Variants in DAB2IP observed in about 807,000 individuals in gnomAD.
DAB2IP encodes DAB2 interacting protein, also known as disabled homolog 2-interacting protein.
A neutral mutation model predicts 107.2 loss-of-function variants in DAB2IP; 28 were observed. That is an observed-to-expected ratio of 0.26 (90% CI 0.19 to 0.36). The LOEUF is 0.36. Among genes scored for constraint, DAB2IP ranks in the 10% least tolerant of loss-of-function variants. The probability of loss-of-function intolerance (pLI) is 1.00; values close to 1 mark genes in which losing one functional copy is unlikely to be tolerated. For synonymous variants in DAB2IP, 755 were observed against 706.4 expected (o/e 1.07, Z -1.09); for missense variants, 1,400 against 1,644.7 (o/e 0.85, Z 2.57).
intron 1 of DAB2IP, among the ~76,000 whole-genome samples, chr9:121,640,701 T>G (rs1832254981): frequency 6.6e-6 from 1 of 152,210 alleles, no homozygotes; most frequent in Admixed American, 6.5e-5. Flanking sequence ...TGGCCCTTCC[T>G]TACTTTGCCT....
chr9:121,570,873 G>A (rs1829922964), intron 1 of DAB2IP, among the ~76,000 whole-genome samples: 1 of 151,980 alleles, frequency 6.6e-6, no homozygotes, highest in South Asian at 2.1e-4. Context: ...CTGCTCTCGG[G>A]GTTTCCTCCC....
At chr9:121,660,826 T>G (rs1349303036) in intron 1 of DAB2IP, among the ~76,000 whole-genome samples, 1 of 152,234 alleles carries the variant, frequency 6.6e-6, no homozygotes, top group African/African-American at 2.4e-5. Context: ...GTGTTCTTTT[T>G]TTTAAACATC....
Position 121,661,423 on chromosome 9 carries a change from T to C in DAB2IP, c.124+9524T>C, listed in dbSNP as rs143448884. On this transcript the variant is annotated intron_variant, in intron 1 of 15. Transcript: ENST00000408936. ...TTAGCAGCACACAGGGTGGGGTAAG[T>C]GTCTCTCCCCATCAGGAGCAGCCTC... Among the ~76,000 whole-genome samples, 295 of 152,196 alleles carry C rather than the reference T, an allele frequency of 1.9e-3. 1 individual carries two copies. The highest frequency in any genetic ancestry group is 6.7e-3 in the African/African-American group (278 of 41,520).
Position 121,776,147 on chromosome 9 carries a change from G to C in DAB2IP, c.3121-51G>C. On this transcript the variant is annotated intron_variant, in intron 13 of 15. Transcript: ENST00000408936. The surrounding 1 kb of genome is among the most constrained non-coding windows in gnomAD (Gnocchi z 5.4). The stretch of plus-strand genomic sequence containing the variant: ...TCCTCCCACTCGGGCTGACGAAGCT[G>C]TGCTCTCTGTGTCCTGGGTGCTGTG... 2 of 1,547,960 alleles carry C rather than the reference G, an allele frequency of 1.3e-6. No individual in the cohort carries two copies. Among genetic ancestry groups the C allele is most frequent in the Non-Finnish European group, 1.7e-6 (2 of 1,145,406 alleles).
intron 3 of DAB2IP, among the ~76,000 whole-genome samples, chr9:121,719,034 A>T (rs1415121156): frequency 6.6e-6 from 1 of 152,196 alleles, no homozygotes; most frequent in Non-Finnish European, 1.5e-5. Context: ...CTCTTGACAT[A>T]TACATGTCCT....
At chr9:121,690,642 A>G (rs1042255427) in intron 2 of DAB2IP, among the ~76,000 whole-genome samples, 1 of 152,182 alleles carries the variant, frequency 6.6e-6, no homozygotes, top group Admixed American at 6.5e-5. Context: ...TGCCCGCCTA[A>G]TCCTGGGCAC....
chr9:121,774,365 C>T lies in DAB2IP; in HGVS notation c.3073C>T (p.His1025Tyr), dbSNP rs138053639. Residue 1025 changes from histidine to tyrosine, a missense_variant, in exon 13 of 16, where the codon CAC becomes TAC. By Grantham distance (83) the His-to-Tyr change is moderately conservative (BLOSUM62 2). This residue lies in a region of DAB2IP where 600 missense variants were observed against 659.1 expected (regional missense o/e 0.91). Transcript: ENST00000408936. Reference sequence around the variant, plus strand: ...CGAGGGCCTGGGCCCAGACCCCCCCCACAGGGATAGGCTAAGGAGTAAGGA... The same window carrying T: ...CGAGGGCCTGGGCCCAGACCCCCCCTACAGGGATAGGCTAAGGAGTAAGGA... 102 of 1,612,784 alleles carry T rather than the reference C, an allele frequency of 6.3e-5. No individual in the cohort carries two copies. Among genetic ancestry groups the T allele is most frequent in the African/African-American group, 1.1e-4 (8 of 74,826 alleles).
chr9:121,704,529 G>T (rs879276870), intron 3 of DAB2IP, among the ~76,000 whole-genome samples: 1 of 152,092 alleles, frequency 6.6e-6, no homozygotes, highest in African/African-American at 2.4e-5. Context: ...CAGGATTCTT[G>T]GTTGCCCTGT....
chr9:121,765,329 A>G (rs762829286), intron 8 of DAB2IP, among the ~76,000 whole-genome samples: 3 of 152,224 alleles, frequency 2.0e-5, no homozygotes, highest in Non-Finnish European at 4.4e-5. Context: ...GGCCATTGAT[A>G]GATGTCACCA....
intron 3 of DAB2IP, among the ~76,000 whole-genome samples, chr9:121,711,019 G>A (rs1050662508): frequency 6.6e-6 from 1 of 152,198 alleles, no homozygotes; most frequent in African/African-American, 2.4e-5. Context: ...TTTGATGGTT[G>A]TTTATGAGGA....
chr9:121,641,963 TC>T (rs1433899217), intron 1 of DAB2IP, among the ~76,000 whole-genome samples: 1,735 of 47,552 alleles, frequency 0.036, 48 homozygotes, highest in African/African-American at 0.093. Context: ...TCTTTCTTTC[TC>T]TCTCTCTCTT....
Position 121,772,713 on chromosome 9 carries a change from T to A in DAB2IP, c.2185T>A (p.Tyr729Asn), listed in dbSNP as rs1564224037. ...GCCCTCACCTGCCCGCAGCTCGAGT[T>A]ACTCGGAAGCCAACGAGCCTGATCT... The change falls in exon 12 of 16, where the codon TAC becomes AAC. Residue 729 changes from tyrosine (Y) to asparagine (N), a missense_variant. By Grantham distance (143) the Tyr-to-Asn change is moderately radical. Coordinates refer to ENST00000408936, the Ensembl canonical transcript of DAB2IP. The surrounding 1 kb of genome is among the most constrained non-coding windows in gnomAD (Gnocchi z 4.7). 1 of 1,613,998 alleles carries A rather than the reference T, an allele frequency of 6.2e-7. No individual in the cohort carries two copies. The highest frequency in any genetic ancestry group is 8.5e-7 in the Non-Finnish European group (1 of 1,180,012).
chr9:121,704,079 A>G (rs1174585470), intron 3 of DAB2IP, among the ~76,000 whole-genome samples: 1 of 152,134 alleles, frequency 6.6e-6, no homozygotes, highest in African/African-American at 2.4e-5. Flanking sequence ...TCATTTAGGC[A>G]TTTAGGTTAT....
rs959871484 is a variant in DAB2IP at position 121,684,527 on chromosome 9, C to T, written c.228+5746C>T. On this transcript the variant is annotated intron_variant, in intron 2 of 15. Coordinates refer to ENST00000408936, the Ensembl canonical transcript of DAB2IP. The surrounding 1 kb of genome is among the most constrained non-coding windows in gnomAD (Gnocchi z 4.0). ...TCGGAGCCCCACGACAGCTCCTTCC[C>T]GCTCATCTGCACACTGCCCCCTCCT... 8.5e-5 allele frequency among the ~76,000 whole-genome samples: 13 copies of T among 152,232 alleles called. No homozygotes were observed. The highest frequency in any genetic ancestry group is 2.7e-4 in the African/African-American group (11 of 41,464).
chr9:121,664,221 T>C (rs903686183), intron 1 of DAB2IP, among the ~76,000 whole-genome samples: 1 of 152,260 alleles, frequency 6.6e-6, no homozygotes, highest in East Asian at 1.9e-4. Context: ...ATTTCTAGAC[T>C]CTATTCTGTT....
intron 1 of DAB2IP, among the ~76,000 whole-genome samples, chr9:121,604,162 G>T (rs559022344): frequency 6.6e-6 from 1 of 152,282 alleles, no homozygotes; most frequent in South Asian, 2.1e-4. Flanking sequence ...CCCACTGCAG[G>T]CCCTCTCAGC....
chr9:121,679,027 C>T (rs192313005), intron 2 of DAB2IP, among the ~76,000 whole-genome samples: 82 of 152,238 alleles, frequency 5.4e-4, no homozygotes, highest in Non-Finnish European at 8.7e-4. Context: ...CAGACAGCAC[C>T]GAAGGCTATG....
At chr9:121,666,867 A>AAC (rs59290421) in intron 1 of DAB2IP, among the ~76,000 whole-genome samples, 24,635 of 128,092 alleles carry the variant, frequency 0.19, 2,370 homozygotes, top group Middle Eastern at 0.25. Context: ...CCCCAGCCCC[A>AAC]ACACACACAC....
At chr9:121,614,490 G>A (rs1831204706) in intron 1 of DAB2IP, among the ~76,000 whole-genome samples, 1 of 150,694 alleles carries the variant, frequency 6.6e-6, no homozygotes. Context: ...ACAGGCATGT[G>A]CCACCATGCC....
Sources: allele counts gnomAD v4.1 joint callset (sites outside exome capture counted in the v4.1 genomes callset), GRCh38; gene constraint gnomAD v4.1.1; regional missense constraint gnomAD v4.1.1; non-coding constraint Gnocchi (gnomAD v3.1); transcripts MANE v1.5; gene names NCBI Gene and HGNC (gene_info 2026-07-23, HGNC 2026-07-21).